Variants in PLEC observed in about 807,000 individuals in gnomAD.
PLEC encodes hemidesmosomal protein 1.
A neutral mutation model predicts 392.8 loss-of-function variants in PLEC; 216 were observed. That is an observed-to-expected ratio of 0.55 (90% CI 0.49 to 0.62). PLEC has a LOEUF of 0.62. Among genes scored for constraint, PLEC ranks in the 20% least tolerant of loss-of-function variants. The probability of loss-of-function intolerance (pLI) is 0.00; values close to 1 mark genes in which losing one functional copy is unlikely to be tolerated. For synonymous variants in PLEC, 3,621 were observed against 2,980.6 expected (o/e 1.21, Z -7.00); for missense variants, 6,863 against 6,563.4 (o/e 1.05, Z -1.58).
chr8:143,919,859 C>A lies in PLEC; in HGVS notation c.9962G>T (p.Gly3321Val). 1 of 1,613,150 alleles carries A rather than the reference C, an allele frequency of 6.2e-7. No homozygotes were observed. Among genetic ancestry groups the A allele is most frequent in the African/African-American group, 1.3e-5 (1 of 75,068 alleles). The part of the protein sequence containing the change: ...PVPASELLAS[G>V]VLSRAQFEQL... Reference sequence around the variant, plus strand: ...CTCAAACTGGGCTCTGCTGAGGACCCCGGAAGCCAGGAGCTCGCTGGCTGG... The same window carrying A: ...CTCAAACTGGGCTCTGCTGAGGACCACGGAAGCCAGGAGCTCGCTGGCTGG... Residue 3321 changes from glycine to valine, a missense_variant, in exon 32 of 32, where the codon GGG becomes GTG. Physicochemically the swap from Gly to Val is moderately radical, Grantham distance 109. Transcript: ENST00000345136.
chr8:143,970,422 G>A (rs1564236154), intron 1 of PLEC, among the ~76,000 whole-genome samples: 1 of 152,132 alleles, frequency 6.6e-6, no homozygotes, highest in Non-Finnish European at 1.5e-5. Flanking sequence ...GAGAGCACAC[G>A]GATTTGGCCG....
exon 1 of PLEC, chr8:143,950,340 G>C (rs782459548): frequency 1.9e-6 from 3 of 1,580,404 alleles, no homozygotes; most frequent in African/African-American, 2.7e-5. Flanking sequence ...GGGGAGCCCA[G>C]GGGACCCTGC....
upstream of PLEC, among the ~76,000 whole-genome samples, chr8:143,943,352 C>T (rs879955308): frequency 1.3e-5 from 2 of 152,234 alleles, no homozygotes; most frequent in Non-Finnish European, 1.5e-5. Flanking sequence ...TGGCTGCCCC[C>T]GCCCCCTGTG....
chr8:143,915,864 TACCCTGGGAAGACAGGAGGGTGGGCTGGG>T lies in PLEC; in HGVS notation c.*284_*312del, dbSNP rs1554667612. 8.4e-6 allele frequency: 2 copies of T among 239,454 alleles called. No homozygotes were observed. The highest frequency in any genetic ancestry group is 1.6e-5 in the Non-Finnish European group (2 of 125,616). The allele number at this position is 239,454 out of a possible 1,614,324, so 14.8% of individuals were successfully genotyped here. On this transcript the variant is annotated 3_prime_UTR_variant, in exon 32 of 32. Coordinates refer to ENST00000345136, the MANE Select transcript of PLEC (RefSeq NM_201384.3). Reference sequence around the variant, plus strand: ...GTGCAGCTAGGACTGGCAGGCGGGCTACCCTGGGAAGACAGGAGGGTGGGCTGGGGCCCAGCTTGGGACCCTCCAAGGCA... The same window carrying T: ...GTGCAGCTAGGACTGGCAGGCGGGCTGCCCAGCTTGGGACCCTCCAAGGCA...
In PLEC at chr8:143,939,446, G is replaced by C. The variant is rs1829985298; in HGVS notation, c.16C>G (p.Leu6Val). Reference protein sequence around the residue: MSQHQLRVPQPEGLGR... With the variant: MSQHQVRVPQPEGLGR... ...AGGCCCTCGGGCTGCGGCACGCGGA[G>C]CTGGTGCTGAGACATGCTGCCCCCA... is the stretch of plus-strand genomic sequence containing the variant. Residue 6 changes from leucine (L) to valine (V), a missense_variant, in exon 1 of 32, where the codon CTC becomes GTC. Leu to Val is a conservative substitution (Grantham distance 32). Transcript: ENST00000345136. 2 of 1,611,836 alleles carry C rather than the reference G, an allele frequency of 1.2e-6. No individual in the cohort carries two copies. Among genetic ancestry groups the C allele is most frequent in the Non-Finnish European group, 1.7e-6 (2 of 1,179,614 alleles).
chr8:143,943,409 C>T (rs1291405580), upstream of PLEC, among the ~76,000 whole-genome samples: 11 of 152,236 alleles, frequency 7.2e-5, no homozygotes, highest in Non-Finnish European at 1.3e-4. Context: ...TGTGGCTCCA[C>T]CCCCTGCTGT....
chr8:143,948,993 G>A (rs904121733), intron 1 of PLEC, among the ~76,000 whole-genome samples: 1 of 152,202 alleles, frequency 6.6e-6, no homozygotes, highest in African/African-American at 2.4e-5. Context: ...GAGCTGGAGA[G>A]GCCACTAAAC....
At position 143,923,329 on chromosome 8, in the gene PLEC, G is replaced by T; in HGVS notation, c.6600C>A (p.His2200Gln). The T allele has an allele frequency of 6.2e-7, 1 of 1,609,904 alleles. No homozygotes were observed. Residue 2200 changes from histidine to glutamine, a missense_variant, in exon 31 of 32, where the codon CAC becomes CAA. Physicochemically the swap from His to Gln is conservative, Grantham distance 24. Coordinates refer to ENST00000345136, the MANE Select transcript of PLEC (RefSeq NM_201384.3). ...GCTCCTCGTCCAGCAGGTTCTTCTG[G>T]TGGTCGGTCTCCTCCAGCTGCAGCC... Reference protein sequence around the residue: ...TLRLQLEETDHQKNLLDEELQ... With the variant: ...TLRLQLEETDQQKNLLDEELQ...
chr8:143,943,813 C>T, upstream of PLEC: 1 of 1,612,424 alleles, frequency 6.2e-7, no homozygotes, highest in Non-Finnish European at 8.5e-7. Context: ...GTCCCCTGCG[C>T]CAGTGCCACA....
At position 143,923,863 on chromosome 8, in the gene PLEC, C is replaced by T. The variant is rs545632286; in HGVS notation, c.6066G>A (p.Arg2022=). The T allele has an allele frequency of 1.3e-6, 2 of 1,592,482 alleles. No homozygotes were observed. Among genetic ancestry groups the T allele is most frequent in the South Asian group, 2.2e-5 (2 of 90,218 alleles). ...ERLKAKVEEA[R]RLRERAEQES... is the part of the protein sequence containing the mutation. ...CCTGCTCCGCTCGCTCCCGCAGGCGCCGCGCCTCCTCCACCTTGGCTTTCA... is the reference window on the plus strand; with the variant it reads ...CCTGCTCCGCTCGCTCCCGCAGGCGTCGCGCCTCCTCCACCTTGGCTTTCA... Residue 2022 remains arginine, a synonymous_variant, in exon 31 of 32, where the codon CGG becomes CGA. Coordinates refer to ENST00000345136, the MANE Select transcript of PLEC (RefSeq NM_201384.3).
At position 143,929,186 on chromosome 8, in the gene PLEC, C is replaced by A; in HGVS notation, c.3177G>T (p.Ala1059=). 2 of 1,599,320 alleles carry A rather than the reference C, an allele frequency of 1.3e-6. No individual in the cohort carries two copies. Among genetic ancestry groups the A allele is most frequent in the South Asian group, 1.1e-5 (1 of 89,238 alleles). Residue 1059 remains alanine, a synonymous_variant, in exon 25 of 32, where the codon GCG becomes GCT. Coordinates refer to ENST00000345136, the MANE Select transcript of PLEC (RefSeq NM_201384.3). The part of the protein sequence containing the change: ...KVLALPEPSP[A]APTLRSELEL... ...CCAGCTCCGAGCGCAGCGTGGGGGCCGCAGGCGATGGCTCTGGTAGGGCCA... is the reference window on the plus strand; with the variant it reads ...CCAGCTCCGAGCGCAGCGTGGGGGCAGCAGGCGATGGCTCTGGTAGGGCCA...
chr8:143,959,116 G>A (rs943993146), intron 1 of PLEC, among the ~76,000 whole-genome samples: 5 of 152,216 alleles, frequency 3.3e-5, no homozygotes, highest in African/African-American at 1.2e-4. Flanking sequence ...GCTGCTGAGG[G>A]GAGGGCGTGT....
chr8:143,920,692 G>T lies in PLEC; in HGVS notation c.9129C>A (p.Ala3043=), dbSNP rs782055149. 6.2e-7 allele frequency: 1 copy of T among 1,602,830 alleles called. No individual in the cohort carries two copies. The highest frequency in any genetic ancestry group is 1.3e-5 in the African/African-American group (1 of 75,030). Residue 3043 remains alanine, a synonymous_variant, in exon 32 of 32, where the codon GCC becomes GCA. Transcript: ENST00000345136. The part of the protein sequence containing the change: ...EAGQKLSIYN[A]LKKDLLPSDM... ...CGGATGGCAGCAGGTCTTTCTTCAGGGCATTGTAGATACTCAGCTTCTGCC... is the reference window on the plus strand; with the variant it reads ...CGGATGGCAGCAGGTCTTTCTTCAGTGCATTGTAGATACTCAGCTTCTGCC...
chr8:143,948,995 C>T (rs1328077422), intron 1 of PLEC, among the ~76,000 whole-genome samples: 2 of 152,214 alleles, frequency 1.3e-5, no homozygotes, highest in Non-Finnish European at 2.9e-5. Context: ...GCTGGAGAGG[C>T]CACTAAACCT....
chr8:143,953,624 A>T (rs1832416833), upstream of PLEC: 1 of 1,248,692 alleles, frequency 8.0e-7, no homozygotes, highest in Non-Finnish European at 1.1e-6. Context: ...GTGTCACCCC[A>T]GGGATGGCAG....
In PLEC at chr8:143,927,732, G is replaced by A. The variant is rs200672373; in HGVS notation, c.3434C>T (p.Thr1145Met). ...LRAQAEAQQPTFDALRDELRG... is the reference protein window; with the variant it reads ...LRAQAEAQQPMFDALRDELRG... ...CAGCTCATCCCGCAGGGCGTCGAAC[G>A]TGGGCTGCTGTGCCTCGGCCTGGGC... Residue 1145 changes from threonine (T) to methionine (M), a missense_variant, in exon 27 of 32, where the codon ACG becomes ATG. Coordinates refer to ENST00000345136, the MANE Select transcript of PLEC (RefSeq NM_201384.3). 243 of 1,596,156 alleles carry A rather than the reference G, an allele frequency of 1.5e-4. 1 individual carries two copies. In the African/African-American group the frequency reaches 2.7e-3, roughly 17 times the overall value.
rs782803415 is a variant in PLEC, at chr8:143,922,059, C to A, written c.7762G>T (p.Ala2588Ser). 3.8e-6 allele frequency: 6 copies of A among 1,590,892 alleles called. No individual in the cohort carries two copies. In the South Asian group the frequency reaches 5.6e-5, roughly 15 times the overall value. The part of the protein sequence containing the change: ...QQRRQQEELL[A>S]EENQRLREQL... Reference sequence around the variant, plus strand: ...TCACGCAGCCTCTGGTTCTCCTCAGCCAGCAGCTCCTCCTGCTGCCGCCGC... The same window carrying A: ...TCACGCAGCCTCTGGTTCTCCTCAGACAGCAGCTCCTCCTGCTGCCGCCGC... The change falls in exon 32 of 32, where the codon GCT becomes TCT. Residue 2588 changes from alanine (A) to serine (S), a missense_variant. Transcript: ENST00000345136.
chr8:143,945,852 C>T (rs1242423911), intron 1 of PLEC, among the ~76,000 whole-genome samples: 1 of 152,244 alleles, frequency 6.6e-6, no homozygotes. Context: ...ACCTCAAAAA[C>T]GTGCGGCCGA....
At chr8:143,960,000 G>A (rs781829220) in intron 1 of PLEC, among the ~76,000 whole-genome samples, 3 of 143,080 alleles carry the variant, frequency 2.1e-5, no homozygotes, top group African/African-American at 7.8e-5. Flanking sequence ...AAAAGAACTG[G>A]CCAGGCACGC....
Sources: gnomAD v4.1 joint callset for allele counts (sites outside exome capture counted in the v4.1 genomes callset) on GRCh38, gnomAD v4.1.1 for gene constraint, MANE v1.5 for transcripts, NCBI Gene and HGNC (gene_info 2026-07-23, HGNC 2026-07-21) for gene names.